Variants in NRXN1 observed in about 807,000 individuals in gnomAD.
NRXN1 encodes the protein neurexin-1.
Under a neutral mutation model 150.9 loss-of-function variants are expected in NRXN1, and 39 were observed. The observed-to-expected ratio is 0.26, with a 90% CI of 0.20 to 0.34. The LOEUF is 0.34. Ranked by LOEUF, NRXN1 falls within the 10% of genes least tolerant of loss-of-function variation. The pLI is 1.00. For missense variants in NRXN1, 1,815 were observed against 1,949.9 expected (o/e 0.93, Z 1.30); for synonymous variants, 924 against 757.0 (o/e 1.22, Z -3.62).
intron 21 of NRXN1, among the ~76,000 whole-genome samples, chr2:49,962,063 TA>T (rs1407242315): frequency 3.3e-5 from 5 of 151,528 alleles, no homozygotes; most frequent in Admixed American, 6.6e-5. Context: ...ACCCTAACAC[TA>T]AAAAAAAGAA....
At chr2:50,839,695 T>C (rs540966316) in intron 5 of NRXN1, among the ~76,000 whole-genome samples, 52 of 152,146 alleles carry the variant, frequency 3.4e-4, no homozygotes, top group Non-Finnish European at 6.5e-4. Context: ...GTCCTCTATA[T>C]GCTGAGTATA....
chr2:50,383,957 T>C (rs914237918), intron 17 of NRXN1, among the ~76,000 whole-genome samples: 6 of 152,204 alleles, frequency 3.9e-5, no homozygotes, highest in Non-Finnish European at 8.8e-5. Flanking sequence ...ACCCCGTTTA[T>C]ACATGTTGAA....
At chr2:50,592,453 G>C (rs1319930349) in intron 8 of NRXN1, among the ~76,000 whole-genome samples, 1 of 152,200 alleles carries the variant, frequency 6.6e-6, no homozygotes, top group Non-Finnish European at 1.5e-5. Context: ...GCAAGTCTAT[G>C]AGCTGAGAGA....
chr2:50,258,935 C>T (rs1379073512), intron 17 of NRXN1, among the ~76,000 whole-genome samples: 3 of 152,018 alleles, frequency 2.0e-5, no homozygotes, highest in Admixed American at 2.0e-4. Flanking sequence ...ATATTGGGCT[C>T]AAAGTGTTCA....
At chr2:50,598,325 C>T (rs1234729634) in intron 8 of NRXN1, among the ~76,000 whole-genome samples, 3 of 152,054 alleles carry the variant, frequency 2.0e-5, no homozygotes, top group Admixed American at 6.6e-5. Flanking sequence ...ATTTAGTTTG[C>T]ATCTTTGTTC....
At chr2:50,874,363 C>T (rs927052198) in intron 5 of NRXN1, among the ~76,000 whole-genome samples, 12 of 151,750 alleles carry the variant, frequency 7.9e-5, no homozygotes, top group Admixed American at 3.3e-4. Flanking sequence ...AGATTTAATC[C>T]TGACAACCAC....
At position 50,538,470 on chromosome 2, in the gene NRXN1, G is replaced by T. The variant is rs1381233729; in HGVS notation, c.1926C>A (p.Gly642=). The T allele has an allele frequency of 6.2e-7, 1 of 1,613,744 alleles. No individual in the cohort carries two copies. The highest frequency in any genetic ancestry group is 1.3e-5 in the African/African-American group (1 of 74,910). The change falls in exon 10 of 23, where the codon GGC becomes GGA. Residue 642 remains glycine (G), a synonymous_variant. Coordinates refer to ENST00000401669, the MANE Select transcript of NRXN1 (RefSeq NM_001330078.2). ...CATCGATGAACAAATCCCTGATGCA[G>T]CCCACGTAGCCATAGTTGAGCAGAG... ...WTALLNYGYV[G]CIRDLFIDGQ... is the part of the protein sequence containing the mutation.
intron 5 of NRXN1, chr2:50,632,414 G>A (rs1284468904): frequency 1.3e-5 from 2 of 152,028 alleles, no homozygotes; most frequent in Admixed American, 6.6e-5. Context: ...GAAAGAGTTG[G>A]TGAAAGTGAA....
chr2:50,289,791 T>C (rs1313784204), intron 17 of NRXN1, among the ~76,000 whole-genome samples: 1 of 152,144 alleles, frequency 6.6e-6, no homozygotes, highest in Non-Finnish European at 1.5e-5. Context: ...TGATTTCAAG[T>C]AGAATCAAGA....
chr2:50,794,147 T>C (rs916534009), intron 5 of NRXN1, among the ~76,000 whole-genome samples: 4 of 152,106 alleles, frequency 2.6e-5, no homozygotes, highest in Admixed American at 2.0e-4. Context: ...AGAATCAGCA[T>C]CAAACCCTTT....
At chr2:50,805,939 T>C (rs1667453861) in intron 5 of NRXN1, among the ~76,000 whole-genome samples, 1 of 152,136 alleles carries the variant, frequency 6.6e-6, no homozygotes, top group Non-Finnish European at 1.5e-5. Context: ...AGAACATACC[T>C]ACCTATATTT....
chr2:50,787,985 C>A (rs1216495440), intron 5 of NRXN1, among the ~76,000 whole-genome samples: 1 of 152,028 alleles, frequency 6.6e-6, no homozygotes, highest in East Asian at 1.9e-4. Flanking sequence ...TATTGTGAGT[C>A]TGCAGAGATA....
chr2:50,850,430 C>T (rs1000115692), intron 5 of NRXN1, among the ~76,000 whole-genome samples: 1 of 151,976 alleles, frequency 6.6e-6, no homozygotes, highest in African/African-American at 2.4e-5. Context: ...ATGAAATATA[C>T]GGGATAAGTC....
At chr2:50,277,687 C>G (rs2070742420) in intron 17 of NRXN1, among the ~76,000 whole-genome samples, 1 of 151,962 alleles carries the variant, frequency 6.6e-6, no homozygotes, top group Admixed American at 6.6e-5. Context: ...CAGTTTGTAG[C>G]TGGACTGCTT....
intron 17 of NRXN1, among the ~76,000 whole-genome samples, chr2:50,286,147 T>C (rs932013763): frequency 1.3e-5 from 2 of 152,156 alleles, no homozygotes; most frequent in African/African-American, 4.8e-5. Context: ...TGAAAACACT[T>C]CACATCCACT....
Position 50,922,649 on chromosome 2 carries a change from A to C in NRXN1, c.820+9T>G. 6.2e-7 allele frequency: 1 copy of C among 1,609,828 alleles called. No individual in the cohort carries two copies. ...TGAAAGCAGAGTGGAAAAGGAACAG[A>C]GCCCATACCTTGGTCGCCCATCATC... On this transcript the variant is annotated intron_variant, in intron 4 of 22. Coordinates refer to ENST00000401669, the MANE Select transcript of NRXN1 (RefSeq NM_001330078.2).
intron 21 of NRXN1, among the ~76,000 whole-genome samples, chr2:49,999,159 G>C (rs1309784627): frequency 1.3e-5 from 2 of 152,226 alleles, no homozygotes; most frequent in East Asian, 1.9e-4. Context: ...ACCTTGAATA[G>C]AAAGATATTA....
intron 2 of NRXN1, chr2:51,026,574 G>C (rs975767766): frequency 1.3e-4 from 92 of 709,842 alleles, no homozygotes; most frequent in Non-Finnish European, 4.2e-5. Flanking sequence ...CCACTACCCA[G>C]ATAAATGTCA....
At chr2:50,103,830 A>C (rs1161681791) in intron 18 of NRXN1, among the ~76,000 whole-genome samples, 2 of 151,478 alleles carry the variant, frequency 1.3e-5, no homozygotes, top group Non-Finnish European at 2.9e-5. Flanking sequence ...CGAAGGAATA[A>C]ATACCTGGAG....
Sources: gnomAD v4.1 joint callset for allele counts (sites outside exome capture counted in the v4.1 genomes callset) on GRCh38, gnomAD v4.1.1 for gene constraint, MANE v1.5 for transcripts, NCBI Gene and HGNC (gene_info 2026-07-23, HGNC 2026-07-21) for gene names.